CARD9: variants seen among roughly 807,000 people sequenced by gnomAD.
CARD9 encodes caspase recruitment domain family member 9, also known as caspase recruitment domain-containing protein 9.
CARD9 carries 53 observed loss-of-function variants against 66.0 expected under a neutral mutation model. That is an observed-to-expected ratio of 0.80 (90% CI 0.64 to 1.01). The LOEUF (loss-of-function observed/expected upper bound fraction) is 1.01, where lower values mean the gene tolerates loss of function less well. CARD9 is among the 50% of genes least tolerant of loss of function. The pLI is 0.00. For missense variants in CARD9, 769 were observed against 743.2 expected (o/e 1.03, Z -0.40); for synonymous variants, 387 against 313.8 (o/e 1.23, Z -2.47).
chr9:136,371,876 C>T lies in CARD9; in HGVS notation c.184+19G>A. The T allele has an allele frequency of 3.2e-6, 5 of 1,578,232 alleles. No homozygotes were observed. Among genetic ancestry groups the T allele is most frequent in the Non-Finnish European group, 4.3e-6 (5 of 1,156,826 alleles). Reference sequence around the variant, plus strand: ...CTGTGGTTGGGTTTGGGGCCTGGGGCCCGCGGGGCAACACTGACCCACTTT... The same window carrying T: ...CTGTGGTTGGGTTTGGGGCCTGGGGTCCGCGGGGCAACACTGACCCACTTT... On this transcript the variant is annotated intron_variant, in intron 2 of 12. Coordinates refer to ENST00000371732, the MANE Select transcript of CARD9 (RefSeq NM_052813.5).
intron 2 of CARD9, 85 bp from the exon 3 acceptor site, chr9:136,371,546 G>A: frequency 6.6e-7 from 1 of 1,513,870 alleles, no homozygotes; most frequent in South Asian, 1.2e-5. Context: ...AGGGACAGGT[G>A]GAGGCTGGCA....
chr9:136,367,134 T>C, intron 9 of CARD9, 82 bp downstream of exon 9: 3 of 1,462,726 alleles, frequency 2.1e-6, no homozygotes, highest in Non-Finnish European at 2.8e-6. Context: ...TGACGGGCAG[T>C]GTGGGGCTAT....
In CARD9 at chr9:136,368,008, G is replaced by A. The variant is rs566543109; in HGVS notation, c.1078-180C>T. 7.0e-6 allele frequency: 10 copies of A among 1,420,214 alleles called. No individual in the cohort carries two copies. The African/African-American group carries it at 1.3e-4, about 19-fold the overall frequency. 88.0% of individuals were successfully genotyped at this position (1,420,214 alleles called of 1,614,324 possible). A position where few individuals can be genotyped will look rare whatever the true frequency, so the allele number is the denominator to read the frequency against. ...ACACGAAGTCAGCACGTGGGGGATT[G>A]TAAATGTGACAGTTGTCCCTGCTGC... On this transcript the variant is annotated intron_variant, in intron 7 of 12. Transcript: ENST00000371732.
rs1040324141 is a variant in CARD9 at position 136,371,910 on chromosome 9, G to C, written c.169C>G (p.Arg57Gly). The C allele has an allele frequency of 6.2e-7, 1 of 1,603,912 alleles. No individual in the cohort carries two copies. The highest frequency in any genetic ancestry group is 1.7e-5 in the Admixed American group (1 of 59,840). ...CAACACTGACCCACTTTCCGTTTGC[G>C]GATGACCAGGTTGGGGTCGCTGAGC... ...QVLSDPNLVI[R>G]KRKVGVLLDI... is the part of the protein sequence containing the mutation. The change falls in exon 2 of 13, where the codon CGC (arginine) becomes GGC (glycine). Residue 57 changes from arginine (R) to glycine (G), a missense_variant. Transcript: ENST00000371732.
intron 2 of CARD9, 65 bp from the exon 3 acceptor site, chr9:136,371,526 G>GGGGGGC: frequency 3.9e-5 from 20 of 516,006 alleles, no homozygotes; most frequent in Admixed American, 1.1e-4. Context: ...GGGTGGGTGG[G>GGGGGGC]CCTGGGGGCA....
At chr9:136,366,673 TC>T in intron 10 of CARD9, 126 bp downstream of exon 10, 2 of 1,010,200 alleles carry the variant, frequency 2.0e-6, no homozygotes, top group South Asian at 2.6e-5. Context: ...AGCCCCAGTT[TC>T]CCTGTCTGTG....
At chr9:136,367,339 ATCC>A in intron 8 of CARD9, 82 bp from the exon 9 acceptor site, 1 of 1,486,968 alleles carries the variant, frequency 6.7e-7, no homozygotes. Flanking sequence ...ACAGAGCGGG[ATCC>A]TCCAGGGAGC....
chr9:136,366,711 G>A, intron 10 of CARD9, 89 bp downstream of exon 10: 1 of 1,382,324 alleles, frequency 7.2e-7, no homozygotes, highest in Non-Finnish European at 1.0e-6. Context: ...GGTTGACACA[G>A]GCATTGCGGC....
chr9:136,370,689 T>C lies in CARD9; in HGVS notation c.640A>G (p.Lys214Glu). 6.2e-7 allele frequency: 1 copy of C among 1,612,718 alleles called. No individual in the cohort carries two copies. Among genetic ancestry groups the C allele is most frequent in the African/African-American group, 1.3e-5 (1 of 75,068 alleles). The change falls in exon 5 of 13, where the codon AAG becomes GAG. Residue 214 changes from lysine to glutamate, a missense_variant. Coordinates refer to ENST00000371732, the MANE Select transcript of CARD9 (RefSeq NM_052813.5). The part of the protein sequence containing the change: ...RDLQLEIDQL[K>E]HSLMKAEDDC... ...TCCTCGGCCTTCATGAGGCTGTGCT[T>C]GAGCTGGTCAATCTGCAGAAGGTCC...
At position 136,370,610 on chromosome 9, in the gene CARD9, T is replaced by C; in HGVS notation, c.719A>G (p.Gln240Arg). The C allele has an allele frequency of 6.2e-7, 1 of 1,612,694 alleles. No homozygotes were observed. Among genetic ancestry groups the C allele is most frequent in the Non-Finnish European group, 8.5e-7 (1 of 1,179,892 alleles). ...CCACAGCAGCTCCTGGCTGGGCCGC[T>C]GCTCCATGGCGTGCCTGAGCTTCAG... Reference protein sequence around the residue: ...HTLKLRHAMEQRPSQELLWEL... With the variant: ...HTLKLRHAMERRPSQELLWEL... The change falls in exon 5 of 13, where the codon CAG becomes CGG. Residue 240 changes from glutamine (Q) to arginine (R), a missense_variant. By Grantham distance (43) the Gln-to-Arg change is conservative. Transcript: ENST00000371732.
rs1234984229 is a variant in CARD9 at position 136,363,963 on chromosome 9, C to T, written c.*339G>A. On this transcript the variant is annotated 3_prime_UTR_variant, in exon 13 of 13. Transcript: ENST00000371732. ...CGAGTGTCCGAGCGGGAATGCGGGTCACCCGTGCTGTTTATTTACGCAGCT... is the reference window on the plus strand; with the variant it reads ...CGAGTGTCCGAGCGGGAATGCGGGTTACCCGTGCTGTTTATTTACGCAGCT... 5 of 1,034,440 alleles carry T rather than the reference C, an allele frequency of 4.8e-6. No homozygotes were observed. The highest frequency in any genetic ancestry group is 2.0e-5 in the Admixed American group (1 of 50,176). The allele number at this position is 1,034,440 out of a possible 1,614,324, so 64.1% of individuals were successfully genotyped here.
chr9:136,364,959 AG>A (rs1313130229), intron 11 of CARD9, 181 bp downstream of exon 11: 2 of 528,694 alleles, frequency 3.8e-6, no homozygotes, highest in Non-Finnish European at 6.4e-6. Context: ...TGCCCAAGAA[AG>A]GGGGATCCAC....
chr9:136,364,258 C>G lies in CARD9; in HGVS notation c.*44G>C. ...GTCGGCACCCCCGGGTGGCAGGAGG[C>G]CGGGCCGGTGGGTGTGCCCTGGTCG... On this transcript the variant is annotated 3_prime_UTR_variant, in exon 13 of 13. Transcript: ENST00000371732. The G allele has an allele frequency of 6.4e-7, 1 of 1,550,512 alleles. No homozygotes were observed. Among genetic ancestry groups the G allele is most frequent in the Non-Finnish European group, 8.7e-7 (1 of 1,146,716 alleles).
intron 7 of CARD9, among the ~76,000 whole-genome samples, chr9:136,368,965 G>T (rs529194776): frequency 6.6e-6 from 1 of 152,198 alleles, no homozygotes; most frequent in African/African-American, 2.4e-5. Context: ...GATTACAGGC[G>T]CCCGGAACCA....
rs1833327037 is a variant in CARD9, at chr9:136,373,612, G to A, written c.-97C>T. 1.1e-5 allele frequency: 11 copies of A among 984,912 alleles called. No homozygotes were observed. Among genetic ancestry groups the A allele is most frequent in the Non-Finnish European group, 1.3e-5 (11 of 829,444 alleles). The allele number at this position is 984,912 out of a possible 1,614,324, so 61.0% of individuals were successfully genotyped here. A position where few individuals can be genotyped will look rare whatever the true frequency, so the allele number is the denominator to read the frequency against. On this transcript the variant is annotated 5_prime_UTR_variant, in exon 1 of 13. Coordinates refer to ENST00000371732, the MANE Select transcript of CARD9 (RefSeq NM_052813.5). ...GGAGCCTCTGGGAGATGCTGCCCGG[G>A]GCTGCAGGGAGGGAGGAGCACGCCG... is the stretch of plus-strand genomic sequence containing the variant.
At chr9:136,364,674 G>C in intron 11 of CARD9, 115 bp from the exon 12 acceptor site, 2 of 1,047,438 alleles carry the variant, frequency 1.9e-6, no homozygotes, top group Non-Finnish European at 2.7e-6. Context: ...GAGGAGCCCA[G>C]ACAGCCTCAG....
Position 136,363,982 on chromosome 9 carries a change from C to T in CARD9, c.*320G>A, listed in dbSNP as rs1394170375. The T allele has an allele frequency of 9.3e-6, 11 of 1,176,624 alleles. No homozygotes were observed. Among genetic ancestry groups the T allele is most frequent in the South Asian group, 1.3e-5 (1 of 76,284 alleles). The allele number at this position is 1,176,624 out of a possible 1,614,324, so 72.9% of individuals were successfully genotyped here. On this transcript the variant is annotated 3_prime_UTR_variant, in exon 13 of 13. Coordinates refer to ENST00000371732, the MANE Select transcript of CARD9 (RefSeq NM_052813.5). The stretch of plus-strand genomic sequence containing the variant: ...GCGGGTCACCCGTGCTGTTTATTTA[C>T]GCAGCTGTGTTTTCTAACACTAATA...
chr9:136,368,139 C>A (rs949092632), intron 7 of CARD9, among the ~76,000 whole-genome samples: 1 of 152,242 alleles, frequency 6.6e-6, no homozygotes, highest in African/African-American at 2.4e-5. Context: ...ATATGGAGAC[C>A]CTGACTGTCC....
rs1414848495 is a variant in CARD9, at chr9:136,371,930, C to T, written c.149G>A (p.Ser50Asn). ...TTTGCGGATGACCAGGTTGGGGTCG[C>T]TGAGCACCTGCTCCTCATCATCGGG... Reference protein sequence around the residue: ...LNPDDEEQVLSDPNLVIRKRK... With the variant: ...LNPDDEEQVLNDPNLVIRKRK... The change falls in exon 2 of 13, where the codon AGC (serine) becomes AAC (asparagine). Residue 50 changes from serine (S) to asparagine (N), a missense_variant. By Grantham distance (46) the Ser-to-Asn change is conservative (BLOSUM62 1). Coordinates refer to ENST00000371732, the MANE Select transcript of CARD9 (RefSeq NM_052813.5). 3 of 1,607,942 alleles carry T rather than the reference C, an allele frequency of 1.9e-6. No individual in the cohort carries two copies. The highest frequency in any genetic ancestry group is 2.7e-5 in the African/African-American group (2 of 74,946).
Sources: allele counts gnomAD v4.1 joint callset (sites outside exome capture counted in the v4.1 genomes callset), GRCh38; gene constraint gnomAD v4.1.1; transcripts MANE v1.5; gene names NCBI Gene and HGNC (gene_info 2026-07-23, HGNC 2026-07-21).